The following CEP128 variants were observed in gnomAD, a reference collection of about 807,000 sequenced individuals.
CEP128 encodes the protein centrosomal protein 128.
CEP128 carries 132 observed loss-of-function variants against 156.7 expected under a neutral mutation model. That is an observed-to-expected ratio of 0.84 (90% CI 0.73 to 0.97). CEP128 has a LOEUF of 0.97. Among genes scored for constraint, CEP128 ranks in the 50% least tolerant of loss-of-function variants. The probability of loss-of-function intolerance (pLI) is 0.00; values close to 1 mark genes in which losing one functional copy is unlikely to be tolerated. For synonymous variants in CEP128, 469 were observed against 448.9 expected, an observed-to-expected ratio of 1.04 and a Z score of -0.57; for missense variants, 1,252 against 1,281.9, an observed-to-expected ratio of 0.98 and a Z score of 0.36.
intron 9 of CEP128, among the ~76,000 whole-genome samples, chr14:80,853,518 T>TA (rs35708496): frequency 0.44 from 65,917 of 150,434 alleles, 16,394 homozygotes; most frequent in East Asian, 0.75. Context: ...GATGCAATTT[T>TA]AAAAAAAAAT....
chr14:80,836,336 A>C lies in CEP128; in HGVS notation c.926T>G (p.Val309Gly). 1.2e-6 allele frequency: 2 copies of C among 1,613,784 alleles called. No individual in the cohort carries two copies. Among genetic ancestry groups the C allele is most frequent in the Non-Finnish European group, 1.7e-6 (2 of 1,179,868 alleles). Reference sequence around the variant, plus strand: ...CGTAAGTTGTGTACGCAGTTCTTCTACCTAACACATGGTCAAAAATCAAAC... The same window carrying C: ...CGTAAGTTGTGTACGCAGTTCTTCTCCCTAACACATGGTCAAAAATCAAAC... Reference protein sequence around the residue: ...EGSRETLLHQVEELRTQLTKA... With the variant: ...EGSRETLLHQGEELRTQLTKA... Residue 309 changes from valine to glycine, a missense_variant and splice_region_variant, in exon 12 of 25, where the codon GTA becomes GGA. Val to Gly is a moderately radical substitution (Grantham distance 109). Coordinates refer to ENST00000555265, the MANE Select transcript of CEP128 (RefSeq NM_152446.5).
At chr14:80,580,691 C>A (rs1029371864) in intron 19 of CEP128, among the ~76,000 whole-genome samples, 1 of 152,114 alleles carries the variant, frequency 6.6e-6, no homozygotes, top group Non-Finnish European at 1.5e-5. Flanking sequence ...GACATCAAAT[C>A]AATTAAAAAT....
chr14:80,823,747 G>A (rs1453808229), intron 13 of CEP128, among the ~76,000 whole-genome samples: 3 of 152,220 alleles, frequency 2.0e-5, no homozygotes, highest in African/African-American at 7.2e-5. Context: ...CCTCACGGCT[G>A]CTTTCACGGA....
At chr14:80,918,609 T>C (rs1286539925) in intron 2 of CEP128, among the ~76,000 whole-genome samples, 3 of 152,196 alleles carry the variant, frequency 2.0e-5, no homozygotes, top group African/African-American at 7.2e-5. Context: ...TCCTCAACAC[T>C]ATGTTCTTCC....
chr14:80,729,798 C>A (rs1446073874), intron 19 of CEP128, among the ~76,000 whole-genome samples: 1 of 152,146 alleles, frequency 6.6e-6, no homozygotes, highest in Non-Finnish European at 1.5e-5. Flanking sequence ...ATTGAAATTA[C>A]ATTTACTTCT....
rs1169052178 is a variant in CEP128, at chr14:80,702,017, T to C, written c.2806+41058A>G. On this transcript the variant is annotated intron_variant, in intron 19 of 24. Transcript: ENST00000555265. ...CTGAATGGAACCCACTCTGATCTTA[T>C]TTAAAATTACACTTTGCTTTCACTG... Among the ~76,000 whole-genome samples the C allele has an allele frequency of 2.6e-5, 4 of 152,186 alleles. No homozygotes were observed. In the East Asian group the frequency reaches 5.8e-4, roughly 22 times the overall value.
At chr14:80,615,536 G>C (rs572012462) in intron 19 of CEP128, among the ~76,000 whole-genome samples, 3 of 152,274 alleles carry the variant, frequency 2.0e-5, no homozygotes, top group African/African-American at 7.2e-5. Flanking sequence ...TAATCCAGAG[G>C]GGGCAGGGAA....
chr14:80,618,112 G>A (rs941815732), intron 19 of CEP128, among the ~76,000 whole-genome samples: 2 of 152,156 alleles, frequency 1.3e-5, no homozygotes, highest in Non-Finnish European at 2.9e-5. Flanking sequence ...ATGCAATAAA[G>A]ATAAGTATGC....
At chr14:80,776,240 T>C (rs540761823) in intron 16 of CEP128, among the ~76,000 whole-genome samples, 1 of 152,240 alleles carries the variant, frequency 6.6e-6, no homozygotes, top group South Asian at 2.1e-4. Context: ...TTTCATAAAT[T>C]AGAATTTTAT....
intron 16 of CEP128, among the ~76,000 whole-genome samples, chr14:80,774,427 C>T (rs1216896897): frequency 6.6e-6 from 1 of 152,148 alleles, no homozygotes; most frequent in African/African-American, 2.4e-5. Flanking sequence ...GTCCCTTCAA[C>T]CCATAAGGCC....
chr14:80,904,939 A>G lies in CEP128; in HGVS notation c.362-8T>C, dbSNP rs780761990. The stretch of plus-strand genomic sequence containing the variant: ...GTGGAAAATGATGGAGCTCTTCACA[A>G]GTGAAAGAAAAGGGAAGGTATTAAA... On this transcript the variant is annotated splice_region_variant and splice_polypyrimidine_tract_variant and intron_variant, in intron 5 of 24. Transcript: ENST00000555265. The G allele has an allele frequency of 6.8e-7, 1 of 1,477,754 alleles. No individual in the cohort carries two copies. Among genetic ancestry groups the G allele is most frequent in the Non-Finnish European group, 9.5e-7 (1 of 1,055,566 alleles). The allele number at this position is 1,477,754 out of a possible 1,614,324, so 91.5% of individuals were successfully genotyped here.
intron 19 of CEP128, 107 bp from the exon 20 acceptor site, chr14:80,580,530 A>G (rs1222558762): frequency 4.4e-6 from 3 of 674,536 alleles, no homozygotes; most frequent in Non-Finnish European, 7.9e-6. Flanking sequence ...TTGCCTGAGA[A>G]GAGAATTTAA....
intron 19 of CEP128, among the ~76,000 whole-genome samples, chr14:80,674,211 A>T (rs114324863): frequency 0.021 from 3,133 of 152,250 alleles, 119 homozygotes; most frequent in African/African-American, 0.071. Flanking sequence ...CCAAGGAGAT[A>T]ACAACAAAAT....
At chr14:80,755,377 C>T (rs1899601317) in intron 18 of CEP128, among the ~76,000 whole-genome samples, 1 of 152,192 alleles carries the variant, frequency 6.6e-6, no homozygotes, top group African/African-American at 2.4e-5. Flanking sequence ...CTGACTAATA[C>T]AGACCATCTC....
At chr14:80,737,906 G>A (rs1379201697) in intron 19 of CEP128, among the ~76,000 whole-genome samples, 1 of 151,938 alleles carries the variant, frequency 6.6e-6, no homozygotes, top group Non-Finnish European at 1.5e-5. Flanking sequence ...TCAATCCGAT[G>A]ATAAATTCAA....
At position 80,836,216 on chromosome 14, in the gene CEP128, C is replaced by G; in HGVS notation, c.1046G>C (p.Arg349Thr). ...AAATCTACTTTTACCTCTCCTAAATCTCCAGTCCTCCCCTTGTTCATCCTG... is the reference window on the plus strand; with the variant it reads ...AAATCTACTTTTACCTCTCCTAAATGTCCAGTCCTCCCCTTGTTCATCCTG... ...NYQDEQGEDW[R>T]FRRGVEREKQ... The change falls in exon 12 of 25, where the codon AGA becomes ACA. Residue 349 changes from arginine to threonine, a missense_variant. Physicochemically the swap from Arg to Thr is moderately conservative, Grantham distance 71. Transcript: ENST00000555265. 2 of 1,613,994 alleles carry G rather than the reference C, an allele frequency of 1.2e-6. No homozygotes were observed. Among genetic ancestry groups the G allele is most frequent in the Middle Eastern group, 1.6e-4 (1 of 6,062 alleles).
At chr14:80,527,301 A>C (rs1248537281) in intron 22 of CEP128, 1 of 444,374 alleles carries the variant, frequency 2.3e-6, no homozygotes, top group Non-Finnish European at 4.5e-6. Flanking sequence ...ATGGTGGTGC[A>C]TGGCTGTAGT....
At chr14:80,783,650 A>C (rs1258735444) in intron 15 of CEP128, among the ~76,000 whole-genome samples, 1 of 152,080 alleles carries the variant, frequency 6.6e-6, no homozygotes, top group Non-Finnish European at 1.5e-5. Flanking sequence ...ATATTCATCA[A>C]CTCTAAAAGA....
intron 19 of CEP128, among the ~76,000 whole-genome samples, chr14:80,656,710 T>C (rs908457842): frequency 5.3e-5 from 8 of 152,098 alleles, no homozygotes; most frequent in Non-Finnish European, 8.8e-5. Context: ...AAATTTACCA[T>C]TCTATGAGCA....
Sources: allele counts gnomAD v4.1 joint callset (sites outside exome capture counted in the v4.1 genomes callset), GRCh38; gene constraint gnomAD v4.1.1; transcripts MANE v1.5; gene names NCBI Gene and HGNC (gene_info 2026-07-23, HGNC 2026-07-21).